FGF12: variants seen among roughly 807,000 people sequenced by gnomAD.
FGF12 encodes fibroblast growth factor 12, also known as fibroblast growth factor 12B.
Under a neutral mutation model 23.6 loss-of-function variants are expected in FGF12, and 14 were observed. The observed-to-expected ratio is 0.59, with a 90% confidence interval of 0.39 to 0.93. FGF12 has a LOEUF of 0.93. Ranked by LOEUF, FGF12 falls within the 40% of genes least tolerant of loss-of-function variation. FGF12 has a pLI of 0.00. For missense variants in FGF12, 175 were observed against 217.8 expected (o/e 0.80, Z 1.24); for synonymous variants, 62 against 77.3 (o/e 0.80, Z 1.04).
rs184106468 is a variant in FGF12 at position 192,571,554 on chromosome 3, G to T, written c.13+155627C>A. ...AGACTTTCCATCCGAGAAAGCAAAAGCTTTCAGTATCCAACTTATTAGAAG... is the reference window on the plus strand; with the variant it reads ...AGACTTTCCATCCGAGAAAGCAAAATCTTTCAGTATCCAACTTATTAGAAG... On this transcript the variant is annotated intron_variant, in intron 2 of 5. Transcript: ENST00000445105. 9.8e-3 allele frequency among the ~76,000 whole-genome samples: 1,496 copies of T among 152,332 alleles called. 16 individuals are homozygous for T. Among genetic ancestry groups the T allele is most frequent in the Non-Finnish European group, 0.016 (1,108 of 68,030 alleles).
intron 2 of FGF12, among the ~76,000 whole-genome samples, chr3:192,664,299 C>T (rs1350680129): frequency 1.3e-5 from 2 of 152,020 alleles, no homozygotes; most frequent in Admixed American, 6.6e-5. Flanking sequence ...TGAGTGTGAG[C>T]ACTTCCTGTT....
intron 2 of FGF12, among the ~76,000 whole-genome samples, chr3:192,639,117 A>G (rs753957151): frequency 9.9e-5 from 15 of 152,214 alleles, no homozygotes; most frequent in Non-Finnish European, 2.2e-4. Flanking sequence ...AAAAACAAAT[A>G]ACCTGATTTT....
At chr3:192,495,112 G>A (rs1723912588) in intron 2 of FGF12, among the ~76,000 whole-genome samples, 1 of 152,078 alleles carries the variant, frequency 6.6e-6, no homozygotes, top group South Asian at 2.1e-4. Context: ...ACCCACCTCA[G>A]CCTCCCAAAG....
At chr3:192,595,078 T>G (rs1184236223) in intron 2 of FGF12, among the ~76,000 whole-genome samples, 1 of 152,254 alleles carries the variant, frequency 6.6e-6, no homozygotes, top group Non-Finnish European at 1.5e-5. Flanking sequence ...TGTTTCCTTG[T>G]AGGGTATTAA....
intron 2 of FGF12, among the ~76,000 whole-genome samples, chr3:192,363,440 A>T (rs984880002): frequency 2.0e-5 from 3 of 152,168 alleles, no homozygotes; most frequent in African/African-American, 4.8e-5. Flanking sequence ...GATAATGAGC[A>T]TCAGACTCTG....
At chr3:192,476,309 G>T (rs1723322031) in intron 2 of FGF12, among the ~76,000 whole-genome samples, 1 of 151,542 alleles carries the variant, frequency 6.6e-6, no homozygotes, top group Admixed American at 6.6e-5. Flanking sequence ...TGTTATTTTT[G>T]TTTACAGATG....
intron 4 of FGF12, among the ~76,000 whole-genome samples, chr3:192,259,773 GTTTAAC>G (rs1712627963): frequency 6.6e-6 from 1 of 152,204 alleles, no homozygotes; most frequent in Non-Finnish European, 1.5e-5. Flanking sequence ...AGTGGAAATA[GTTTAAC>G]TTTAGGTAAT....
intron 2 of FGF12, among the ~76,000 whole-genome samples, chr3:192,609,007 C>G (rs1348719605): frequency 6.6e-6 from 1 of 152,104 alleles, no homozygotes; most frequent in Non-Finnish European, 1.5e-5. Context: ...GCTTAAGGGA[C>G]AGAATCTGTA....
chr3:192,331,158 G>A (rs1448479436), intron 4 of FGF12, among the ~76,000 whole-genome samples: 1 of 151,716 alleles, frequency 6.6e-6, no homozygotes, highest in Non-Finnish European at 1.5e-5. Context: ...AAACAAAATG[G>A]GTTATCATCT....
intron 2 of FGF12, among the ~76,000 whole-genome samples, chr3:192,496,530 T>A (rs568371551): frequency 2.0e-5 from 3 of 152,282 alleles, no homozygotes; most frequent in Non-Finnish European, 4.4e-5. Context: ...ATATTTTTCA[T>A]AAAAACAATG....
chr3:192,360,546 A>C lies in FGF12; in HGVS notation c.14-8T>G. 6.3e-7 allele frequency: 1 copy of C among 1,599,086 alleles called. No individual in the cohort carries two copies. The highest frequency in any genetic ancestry group is 8.6e-7 in the Non-Finnish European group (1 of 1,166,408). On this transcript the variant is annotated splice_polypyrimidine_tract_variant and splice_region_variant and intron_variant, in intron 2 of 5. Transcript: ENST00000445105. The surrounding 1 kb of genome is among the most constrained non-coding windows in gnomAD (Gnocchi z 4.3). ...TCCCTTTGAGCTGGGGTTCTGCAAA[A>C]CAAAATAATTATTCAAATTTTTATT...
chr3:192,717,177 A>T (rs1718891558), intron 2 of FGF12, among the ~76,000 whole-genome samples: 1 of 152,198 alleles, frequency 6.6e-6, no homozygotes, highest in South Asian at 2.1e-4. Context: ...TAACAAAGGA[A>T]GGTTGATTGG....
At chr3:192,527,546 T>C (rs1397557970) in intron 2 of FGF12, among the ~76,000 whole-genome samples, 1 of 152,254 alleles carries the variant, frequency 6.6e-6, no homozygotes, top group African/African-American at 2.4e-5. Context: ...TTGTAAGCAT[T>C]CAATATGTAG....
intron 2 of FGF12, among the ~76,000 whole-genome samples, chr3:192,384,578 C>A (rs1316430172): frequency 6.6e-6 from 1 of 152,164 alleles, no homozygotes; most frequent in African/African-American, 2.4e-5. Flanking sequence ...GTGATGACTT[C>A]TCTTTATAAC....
At chr3:192,190,278 A>C (rs1716707603) in intron 4 of FGF12, among the ~76,000 whole-genome samples, 2 of 152,198 alleles carry the variant, frequency 1.3e-5, no homozygotes, top group South Asian at 4.1e-4. Flanking sequence ...ATGAAGTTTT[A>C]TGTTTCAAAA....
chr3:192,701,950 G>A (rs1313890937), intron 2 of FGF12, among the ~76,000 whole-genome samples: 3 of 151,948 alleles, frequency 2.0e-5, no homozygotes, highest in Non-Finnish European at 4.4e-5. Flanking sequence ...CCCTCATTCT[G>A]TACATTAGAT....
At chr3:192,566,326 C>T (rs1712278269) in intron 2 of FGF12, among the ~76,000 whole-genome samples, 1 of 152,076 alleles carries the variant, frequency 6.6e-6, no homozygotes, top group Non-Finnish European at 1.5e-5. Flanking sequence ...ATCATTCTAG[C>T]AGCATGTGCA....
chr3:192,156,460 C>T (rs75804287), intron 5 of FGF12, among the ~76,000 whole-genome samples: 6,360 of 152,260 alleles, frequency 0.042, 214 homozygotes, highest in South Asian at 0.071. Context: ...CTTTGTTTCT[C>T]TCTGATTGCA....
chr3:192,395,847 T>C (rs1720495749), intron 2 of FGF12, among the ~76,000 whole-genome samples: 3 of 152,172 alleles, frequency 2.0e-5, no homozygotes. Context: ...GGGTTGTCTC[T>C]GGGTAAGTGA....
Sources: allele counts gnomAD v4.1 joint callset (sites outside exome capture counted in the v4.1 genomes callset), GRCh38; gene constraint gnomAD v4.1.1; non-coding constraint Gnocchi (gnomAD v3.1); transcripts MANE v1.5; gene names NCBI Gene and HGNC (gene_info 2026-07-23, HGNC 2026-07-21).